The following SDK1 variants were observed in gnomAD, a reference collection of about 807,000 sequenced individuals.
SDK1 encodes the protein protein sidekick-1.
Under a neutral mutation model 245.5 loss-of-function variants are expected in SDK1, and 157 were observed. The observed-to-expected ratio is 0.64, with a 90% CI of 0.56 to 0.73. The LOEUF is 0.73. SDK1 is among the 30% of genes least tolerant of loss of function. The pLI, the probability that SDK1 is intolerant of heterozygous loss-of-function variation, is 0.00. For synonymous variants in SDK1, 1,647 were observed against 1,278.5 expected, an observed-to-expected ratio of 1.29 and a Z score of -6.15; for missense variants, 3,583 against 3,002.3, an observed-to-expected ratio of 1.19 and a Z score of -4.52.
At chr7:4,091,319 ATTTTC>A (rs71552330) in intron 22 of SDK1, among the ~76,000 whole-genome samples, 5 of 99,188 alleles carry the variant, frequency 5.0e-5, no homozygotes, top group East Asian at 4.8e-4. Flanking sequence ...CACATTTGCC[ATTTTC>A]TTTTCTTTTC....
At chr7:3,411,179 C>T (rs977448791) in intron 1 of SDK1, among the ~76,000 whole-genome samples, 1 of 152,050 alleles carries the variant, frequency 6.6e-6, no homozygotes, top group Non-Finnish European at 1.5e-5. Context: ...CAAAGCAAAT[C>T]CAAGAGAGCC....
chr7:3,663,696 A>G (rs1000104776), intron 4 of SDK1, among the ~76,000 whole-genome samples: 1 of 151,976 alleles, frequency 6.6e-6, no homozygotes, highest in African/African-American at 2.4e-5. Context: ...ATGGCTGGCC[A>G]CCCTACTTGT....
chr7:3,680,761 T>A (rs971826094), intron 4 of SDK1, among the ~76,000 whole-genome samples: 2 of 152,236 alleles, frequency 1.3e-5, no homozygotes, highest in African/African-American at 4.8e-5. Flanking sequence ...TGTCTCCAGA[T>A]GCAACTCCTC....
intron 44 of SDK1, among the ~76,000 whole-genome samples, chr7:4,261,873 T>C (rs73671405): frequency 0.065 from 9,869 of 151,762 alleles, 974 homozygotes; most frequent in African/African-American, 0.22. Flanking sequence ...GTGGATCCCC[T>C]AGGAGCCTGG....
intron 1 of SDK1, among the ~76,000 whole-genome samples, chr7:3,399,457 C>T (rs1435134973): frequency 6.6e-6 from 1 of 152,046 alleles, no homozygotes; most frequent in Non-Finnish European, 1.5e-5. Flanking sequence ...ACTCCTTTTC[C>T]TGTGTATGGT....
intron 1 of SDK1, among the ~76,000 whole-genome samples, chr7:3,616,334 G>A (rs1198751000): frequency 3.3e-5 from 5 of 152,210 alleles, no homozygotes; most frequent in African/African-American, 7.2e-5. Flanking sequence ...GTCACGCAAC[G>A]ATGAGGTGGG....
intron 1 of SDK1, among the ~76,000 whole-genome samples, chr7:3,599,808 C>T (rs1214763429): frequency 6.6e-6 from 1 of 152,130 alleles, no homozygotes; most frequent in African/African-American, 2.4e-5. Context: ...GTCTTTGATC[C>T]CTCTATGAAT....
At chr7:3,524,051 A>G (rs975172523) in intron 1 of SDK1, among the ~76,000 whole-genome samples, 6 of 152,216 alleles carry the variant, frequency 3.9e-5, no homozygotes, top group Admixed American at 6.5e-5. Flanking sequence ...TTCATTGACA[A>G]CATTGGTTCG....
rs566321981 is a variant in SDK1, at chr7:4,268,255, C to G, written c.*2871C>G. On this transcript the variant is annotated 3_prime_UTR_variant, in exon 45 of 45. Transcript: ENST00000404826. ...TGGTCACGGAGTGGCCAGGAGGCTCCGTCTGAGCCACAGGGATGGGTGTGC... is the reference window on the plus strand; with the variant it reads ...TGGTCACGGAGTGGCCAGGAGGCTCGGTCTGAGCCACAGGGATGGGTGTGC... 1.0e-5 allele frequency: 10 copies of G among 998,652 alleles called. No homozygotes were observed. The highest frequency in any genetic ancestry group is 2.1e-4 in the East Asian group (2 of 9,358). 61.9% of individuals were successfully genotyped at this position (998,652 alleles called of 1,614,324 possible). A position where few individuals can be genotyped will look rare whatever the true frequency, so the allele number is the denominator to read the frequency against.
At chr7:3,959,854 G>A (rs1309357281) in intron 8 of SDK1, among the ~76,000 whole-genome samples, 1 of 151,316 alleles carries the variant, frequency 6.6e-6, no homozygotes. Flanking sequence ...GGTCATCCCA[G>A]CCCTCATCCC....
chr7:3,427,683 G>C (rs1319492120), intron 1 of SDK1, among the ~76,000 whole-genome samples: 1 of 152,034 alleles, frequency 6.6e-6, no homozygotes, highest in Non-Finnish European at 1.5e-5. Context: ...GTTTGGATCA[G>C]TTTCCCGTAT....
At chr7:4,203,856 G>A (rs943334340) in intron 35 of SDK1, among the ~76,000 whole-genome samples, 3 of 152,246 alleles carry the variant, frequency 2.0e-5, no homozygotes, top group Non-Finnish European at 2.9e-5. Context: ...GTAATTTTAC[G>A]GTCCAGAAGT....
intron 1 of SDK1, among the ~76,000 whole-genome samples, chr7:3,372,157 T>C (rs546327494): frequency 4.5e-4 from 69 of 152,224 alleles, no homozygotes; most frequent in Non-Finnish European, 7.6e-4. Flanking sequence ...AGACCACCCT[T>C]AGATTTTAGG....
rs1784001435 is a variant in SDK1, at chr7:3,987,993, T to C, written c.2131+671T>C. Among the ~76,000 whole-genome samples, 5 of 152,176 alleles carry C rather than the reference T, an allele frequency of 3.3e-5. No homozygotes were observed. In the South Asian group the frequency reaches 1.0e-3, roughly 32 times the overall value. On this transcript the variant is annotated intron_variant, in intron 14 of 44. Transcript: ENST00000404826. ...CTCCTGTGATTTTAAGTGGCATATTTTCCTTGATGACTCGAACATTTGTAT... is the reference window on the plus strand; with the variant it reads ...CTCCTGTGATTTTAAGTGGCATATTCTCCTTGATGACTCGAACATTTGTAT...
chr7:4,081,940 A>T (rs141659146), intron 22 of SDK1, among the ~76,000 whole-genome samples: 2 of 152,228 alleles, frequency 1.3e-5, no homozygotes, highest in East Asian at 1.9e-4. Flanking sequence ...GCCTGTTCAC[A>T]TGCCAATATG....
intron 1 of SDK1, among the ~76,000 whole-genome samples, chr7:3,443,052 A>C (rs905164830): frequency 7.3e-6 from 1 of 137,756 alleles, no homozygotes; most frequent in Non-Finnish European, 1.6e-5. Context: ...CTGTAAAAAT[A>C]AAAATCTAAG....
chr7:3,640,188 C>A (rs1038028578), intron 3 of SDK1, among the ~76,000 whole-genome samples: 3 of 152,124 alleles, frequency 2.0e-5, no homozygotes, highest in Admixed American at 6.5e-5. Flanking sequence ...ACCAAAATTT[C>A]TCTTTGTTTA....
At chr7:3,624,434 A>G (rs1287239605) in intron 2 of SDK1, among the ~76,000 whole-genome samples, 2 of 152,080 alleles carry the variant, frequency 1.3e-5, no homozygotes, top group Non-Finnish European at 2.9e-5. Context: ...CCTGGCCTCA[A>G]GTGATCTGCC....
chr7:3,479,505 C>G (rs960477613), intron 1 of SDK1, among the ~76,000 whole-genome samples: 1 of 149,088 alleles, frequency 6.7e-6, no homozygotes, highest in Non-Finnish European at 1.5e-5. Flanking sequence ...ATCATATTGT[C>G]TAAATTGTCA....
Sources: allele counts gnomAD v4.1 joint callset (sites outside exome capture counted in the v4.1 genomes callset), GRCh38; gene constraint gnomAD v4.1.1; transcripts MANE v1.5; gene names NCBI Gene and HGNC (gene_info 2026-07-23, HGNC 2026-07-21).